STAG1: variants seen among roughly 807,000 people sequenced by gnomAD.
STAG1 encodes the protein STAG1 cohesin complex component, also known as cohesin subunit SA-1.
STAG1 carries 26 observed loss-of-function variants against 170.9 expected under a neutral mutation model. The observed-to-expected ratio is 0.15, with a 90% CI of 0.11 to 0.21. The LOEUF is 0.21. STAG1 is among the 10% of genes least tolerant of loss of function. The pLI is 1.00. For missense variants in STAG1, 964 were observed against 1,509.5 expected (o/e 0.64, Z 5.99); for synonymous variants, 514 against 497.7 (o/e 1.03, Z -0.44).
chr3:136,366,799 G>A (rs1351526436), intron 25 of STAG1, 144 bp downstream of exon 25: 1 of 575,366 alleles, frequency 1.7e-6, no homozygotes, highest in East Asian at 2.8e-5. Flanking sequence ...CTGATAAAAA[G>A]CTTATATAAG....
chr3:136,571,029 T>C (rs1435361692), intron 4 of STAG1, among the ~76,000 whole-genome samples: 2 of 152,188 alleles, frequency 1.3e-5, no homozygotes, highest in Non-Finnish European at 2.9e-5. Context: ...TAGAAGTTAA[T>C]AGAGCAGATT....
intron 7 of STAG1, among the ~76,000 whole-genome samples, chr3:136,510,840 C>T (rs1320544191): frequency 1.3e-5 from 2 of 152,034 alleles, no homozygotes; most frequent in African/African-American, 4.8e-5. Flanking sequence ...TGCAGTAGTG[C>T]AATCTTGACT....
intron 4 of STAG1, among the ~76,000 whole-genome samples, chr3:136,602,944 T>C (rs181246873): frequency 4.9e-4 from 75 of 152,296 alleles, no homozygotes; most frequent in Non-Finnish European, 3.2e-4. Context: ...TCCATTGCTT[T>C]GGGTAACTGG....
At chr3:136,735,497 C>CATGATCTCAGCTCACTGGA (rs1934282809) in intron 1 of STAG1, among the ~76,000 whole-genome samples, 1 of 151,972 alleles carries the variant, frequency 6.6e-6, no homozygotes, top group Non-Finnish European at 1.5e-5. Flanking sequence ...AGTGCACTGG[C>CATGATCTCAGCTCACTGGA]ATGATCTCAG....
In STAG1 at chr3:136,551,234, A is replaced by T. The variant is rs1353669649; in HGVS notation, c.395-9039T>A. On this transcript the variant is annotated intron_variant, in intron 5 of 33. Coordinates refer to ENST00000383202, the MANE Select transcript of STAG1 (RefSeq NM_005862.3). ...GAGAGAGAGAGAGAGAGAGAGAGAG[A>T]GAGAGAGAGAGAGAGAGAGAGAGAG... is the stretch of plus-strand genomic sequence containing the variant. Among the ~76,000 whole-genome samples the T allele has an allele frequency of 2.8e-5, 4 of 143,460 alleles. 1 individual carries two copies. In the South Asian group the frequency reaches 8.9e-4, roughly 32 times the overall value. The allele number at this position is 143,460 out of a possible 152,430, so 94.1% of individuals were successfully genotyped here.
At chr3:136,689,215 T>C (rs1194962069) in intron 1 of STAG1, among the ~76,000 whole-genome samples, 1 of 152,204 alleles carries the variant, frequency 6.6e-6, no homozygotes, top group Admixed American at 6.5e-5. Context: ...ATACAGATCA[T>C]AACCAATACA....
chr3:136,717,610 G>A (rs144019517), intron 1 of STAG1, among the ~76,000 whole-genome samples: 22 of 152,298 alleles, frequency 1.4e-4, no homozygotes, highest in Middle Eastern at 3.4e-3. Flanking sequence ...GGTGCAGTGA[G>A]CGGAGATCGT....
intron 21 of STAG1, among the ~76,000 whole-genome samples, chr3:136,410,557 T>C (rs905452828): frequency 1.3e-5 from 2 of 152,230 alleles, no homozygotes; most frequent in African/African-American, 4.8e-5. Context: ...GCGCCACTGC[T>C]ATGTGACCTA....
At chr3:136,423,474 A>T (rs9868096) in intron 16 of STAG1, among the ~76,000 whole-genome samples, 11,257 of 152,188 alleles carry the variant, frequency 0.074, 541 homozygotes, top group South Asian at 0.12. Context: ...CACACTAATA[A>T]TATCTCTGGA....
chr3:136,648,529 C>CT (rs1301836501), intron 1 of STAG1, among the ~76,000 whole-genome samples: 23 of 152,330 alleles, frequency 1.5e-4, no homozygotes, highest in African/African-American at 5.3e-4. Context: ...AATTGAGCTT[C>CT]TTTTCTAACA....
chr3:136,556,740 G>A (rs6774964), intron 5 of STAG1, among the ~76,000 whole-genome samples: 28,339 of 151,340 alleles, frequency 0.19, 3,046 homozygotes, highest in Non-Finnish European at 0.24. Context: ...ACACCACCAC[G>A]CCCCACTAAT....
intron 6 of STAG1, among the ~76,000 whole-genome samples, chr3:136,522,398 T>A (rs535160999): frequency 1.3e-5 from 2 of 152,130 alleles, no homozygotes; most frequent in African/African-American, 4.8e-5. Flanking sequence ...TAGGGAGCAC[T>A]ACATGACGGG....
intron 9 of STAG1, among the ~76,000 whole-genome samples, chr3:136,485,286 T>C (rs983550757): frequency 1.3e-5 from 2 of 151,962 alleles, no homozygotes; most frequent in African/African-American, 2.4e-5. Context: ...TGAAACACCA[T>C]CTCTACTAAA....
intron 29 of STAG1, among the ~76,000 whole-genome samples, chr3:136,347,973 C>T (rs557498204): frequency 6.6e-6 from 1 of 152,172 alleles, no homozygotes; most frequent in Non-Finnish European, 1.5e-5. Context: ...AGAATTTGTA[C>T]TCCTCATCAA....
At chr3:136,595,231 A>C (rs1938370210) in intron 4 of STAG1, among the ~76,000 whole-genome samples, 1 of 152,176 alleles carries the variant, frequency 6.6e-6, no homozygotes, top group South Asian at 2.1e-4. Flanking sequence ...AATGTCACAG[A>C]TCTAAAAGTC....
intron 1 of STAG1, among the ~76,000 whole-genome samples, chr3:136,717,482 G>A (rs1943571834): frequency 1.3e-5 from 2 of 152,080 alleles, no homozygotes; most frequent in Non-Finnish European, 2.9e-5. Flanking sequence ...TGGCCAACAT[G>A]GCAGAATCCT....
intron 9 of STAG1, among the ~76,000 whole-genome samples, chr3:136,488,477 G>C (rs2090060202): frequency 6.6e-6 from 1 of 152,198 alleles, no homozygotes; most frequent in Non-Finnish European, 1.5e-5. Flanking sequence ...CATGGCAAAA[G>C]ATAATTAAAA....
chr3:136,460,202 G>T (rs1016279293), intron 13 of STAG1, among the ~76,000 whole-genome samples: 6 of 152,152 alleles, frequency 3.9e-5, no homozygotes, highest in Admixed American at 1.3e-4. Context: ...AAATACAAAG[G>T]ATCAGTAAAA....
chr3:136,564,498 A>C (rs1267495102), intron 5 of STAG1, among the ~76,000 whole-genome samples: 4 of 152,192 alleles, frequency 2.6e-5, no homozygotes, highest in Admixed American at 6.5e-5. Flanking sequence ...ATAAGTAAAA[A>C]ATGTTTTCTT....
Sources: gnomAD v4.1 joint callset for allele counts (sites outside exome capture counted in the v4.1 genomes callset) on GRCh38, gnomAD v4.1.1 for gene constraint, MANE v1.5 for transcripts, NCBI Gene and HGNC (gene_info 2026-07-23, HGNC 2026-07-21) for gene names.